Variants in NAA35 observed in about 807,000 individuals in gnomAD.
NAA35 encodes MAK10 homolog, amino-acid N-acetyltransferase subunit.
NAA35 carries 18 observed loss-of-function variants against 101.7 expected under a neutral mutation model. The observed-to-expected ratio is 0.18, with a 90% CI of 0.12 to 0.26. NAA35 has a LOEUF of 0.26. Among genes scored for constraint, NAA35 ranks in the 10% least tolerant of loss-of-function variants. The pLI is 1.00. For missense variants in NAA35, 601 were observed against 886.8 expected, an observed-to-expected ratio of 0.68 and a Z score of 4.09; for synonymous variants, 267 against 273.1, an observed-to-expected ratio of 0.98 and a Z score of 0.22.
chr9:85,973,963 C>A (rs1022644411), intron 6 of NAA35, among the ~76,000 whole-genome samples: 2 of 151,652 alleles, frequency 1.3e-5, no homozygotes, highest in African/African-American at 2.4e-5. Context: ...ATTCTATCTA[C>A]ATTTTTTTTT....
rs1832647124 is a variant in NAA35 at position 86,023,287 on chromosome 9, T to C, written c.*1327T>C. 6.6e-6 allele frequency among the ~76,000 whole-genome samples: 1 copy of C among 152,112 alleles called. No individual in the cohort carries two copies. The highest frequency in any genetic ancestry group is 1.5e-5 in the Non-Finnish European group (1 of 68,012). On this transcript the variant is annotated 3_prime_UTR_variant, in exon 23 of 23. Coordinates refer to ENST00000361671, the MANE Select transcript of NAA35 (RefSeq NM_024635.4). ...TAGCCTGTACAATAGAAACTTCAAT[T>C]ATGGAGAGACAAAGAGTATACCTGT...
chr9:85,950,130 A>G (rs1828950114), intron 2 of NAA35, among the ~76,000 whole-genome samples: 1 of 152,214 alleles, frequency 6.6e-6, no homozygotes, highest in African/African-American at 2.4e-5. Context: ...AGGGCTATAC[A>G]AGATCATGAT....
intron 11 of NAA35, among the ~76,000 whole-genome samples, chr9:85,989,344 G>T (rs775683618): frequency 1.3e-5 from 2 of 152,078 alleles, no homozygotes; most frequent in Non-Finnish European, 2.9e-5. Context: ...GGTAGTGGGC[G>T]CCTGTAATCC....
At chr9:86,002,228 CT>C (rs34842795) in intron 12 of NAA35, among the ~76,000 whole-genome samples, 47,106 of 151,944 alleles carry the variant, frequency 0.31, 9,594 homozygotes, top group African/African-American at 0.59. Context: ...GAGAGGTCTC[CT>C]TTTTAGCCTG....
At position 85,942,105 on chromosome 9, in the gene NAA35, C is replaced by G. The variant is rs1460917122; in HGVS notation, c.-5-50C>G. On this transcript the variant is annotated intron_variant, in intron 1 of 22. Coordinates refer to ENST00000361671, the MANE Select transcript of NAA35 (RefSeq NM_024635.4). ...ACAAACACCCATTTCTGCAAATACT[C>G]TTGCCCTGAAAGCTACATCCTCTCT... 2.5e-5 allele frequency: 39 copies of G among 1,587,884 alleles called. No individual in the cohort carries two copies. In the East Asian group the frequency reaches 5.1e-4, roughly 21 times the overall value.
chr9:85,959,768 A>C (rs372301551), intron 4 of NAA35, 25 bp from the exon 5 acceptor site: 46 of 1,567,574 alleles, frequency 2.9e-5, no homozygotes, highest in Non-Finnish European at 4.0e-5. Flanking sequence ...TTCTGCTTAT[A>C]TGTCACATTC....
intron 6 of NAA35, among the ~76,000 whole-genome samples, chr9:85,962,434 T>C (rs1587578828): frequency 7.3e-6 from 1 of 136,966 alleles, no homozygotes; most frequent in African/African-American, 2.8e-5. Context: ...GAGGTTGCGG[T>C]GAGCTGAGAT....
intron 11 of NAA35, among the ~76,000 whole-genome samples, chr9:85,994,383 A>G (rs1307042978): frequency 6.6e-6 from 1 of 152,134 alleles, no homozygotes; most frequent in Non-Finnish European, 1.5e-5. Context: ...GGTCCCTCAT[A>G]CAAGTGATAT....
At chr9:85,958,624 T>TG in intron 4 of NAA35, 38 bp downstream of exon 4, 1 of 1,345,316 alleles carries the variant, frequency 7.4e-7, no homozygotes, top group Non-Finnish European at 1.0e-6. Context: ...CCATTTATCT[T>TG]TTGTTACTTC....
At chr9:85,983,063 T>A (rs1181173769) in intron 11 of NAA35, among the ~76,000 whole-genome samples, 1 of 152,144 alleles carries the variant, frequency 6.6e-6, no homozygotes, top group Non-Finnish European at 1.5e-5. Flanking sequence ...GAAGCAGAAA[T>A]TTCATCCCCC....
intron 11 of NAA35, among the ~76,000 whole-genome samples, chr9:85,990,981 A>C (rs535567540): frequency 1.3e-5 from 2 of 152,308 alleles, no homozygotes; most frequent in East Asian, 3.9e-4. Context: ...CCTTGAGAGC[A>C]TCACTGTGAA....
intron 16 of NAA35, 38 bp from the exon 17 acceptor site, chr9:86,013,681 A>G: frequency 1.3e-6 from 2 of 1,560,654 alleles, no homozygotes; most frequent in Non-Finnish European, 1.7e-6. Flanking sequence ...CCTTAAGAAA[A>G]CAAAACGAAC....
chr9:85,959,958 T>C lies in NAA35; in HGVS notation c.348+91T>C, dbSNP rs1829440744. On this transcript the variant is annotated intron_variant, in intron 5 of 22. Transcript: ENST00000361671. ...AAAGCCTATACACTAATGTTGAGTA[T>C]GAAATAAATGTAATACTTGCCCTAG... 4 of 879,902 alleles carry C rather than the reference T, an allele frequency of 4.5e-6. No individual in the cohort carries two copies. The Admixed American group carries it at 7.3e-5, about 16-fold the overall frequency. 54.5% of individuals were successfully genotyped at this position (879,902 alleles called of 1,614,324 possible). A position where few individuals can be genotyped will look rare whatever the true frequency, so the allele number is the denominator to read the frequency against.
chr9:85,951,955 G>A (rs557923851), intron 2 of NAA35, among the ~76,000 whole-genome samples: 1 of 152,272 alleles, frequency 6.6e-6, no homozygotes, highest in East Asian at 1.9e-4. Context: ...GAGCCACTGC[G>A]CCTGGCTAGA....
chr9:85,981,987 T>G (rs1830457131), intron 11 of NAA35, among the ~76,000 whole-genome samples: 1 of 152,186 alleles, frequency 6.6e-6, no homozygotes, highest in South Asian at 2.1e-4. Context: ...AGGTAGATAT[T>G]CAGTATGAAT....
Position 85,946,591 on chromosome 9 carries a change from C to G in NAA35, c.124+4308C>G, listed in dbSNP as rs925832442. Among the ~76,000 whole-genome samples the G allele has an allele frequency of 1.3e-4, 20 of 152,204 alleles. No individual in the cohort carries two copies. The South Asian group carries it at 2.7e-3, about 21-fold the overall frequency. ...AGTTTAAGCTTCTCCAACCCATTGCCCAAGGGCTGCATGTGGCCCAGGATG... is the reference window on the plus strand; with the variant it reads ...AGTTTAAGCTTCTCCAACCCATTGCGCAAGGGCTGCATGTGGCCCAGGATG... On this transcript the variant is annotated intron_variant, in intron 2 of 22. Transcript: ENST00000361671.
At chr9:86,012,762 T>C (rs1832006186) in intron 15 of NAA35, among the ~76,000 whole-genome samples, 2 of 152,288 alleles carry the variant, frequency 1.3e-5, no homozygotes, top group Admixed American at 6.5e-5. Flanking sequence ...AGGAAAGAAA[T>C]TGTCCTTGTG....
intron 13 of NAA35, among the ~76,000 whole-genome samples, chr9:86,004,277 GTATT>G (rs1301179895): frequency 6.6e-6 from 1 of 152,168 alleles, no homozygotes; most frequent in East Asian, 1.9e-4. Flanking sequence ...GCTAATTTTT[GTATT>G]TTTGGTAGAG....
At chr9:86,006,951 TAAA>T (rs770841472) in intron 13 of NAA35, among the ~76,000 whole-genome samples, 2 of 152,268 alleles carry the variant, frequency 1.3e-5, no homozygotes, top group South Asian at 2.1e-4. Flanking sequence ...GAAATGAACA[TAAA>T]AAATATTAAA....
Sources: gnomAD v4.1 joint callset for allele counts (sites outside exome capture counted in the v4.1 genomes callset) on GRCh38, gnomAD v4.1.1 for gene constraint, MANE v1.5 for transcripts, NCBI Gene and HGNC (gene_info 2026-07-23, HGNC 2026-07-21) for gene names.